The following KCNMA1 variants were observed in gnomAD, a reference collection of about 807,000 sequenced individuals.
KCNMA1 encodes the protein Calcium-activated potassium channel subunit alpha-1.
A neutral mutation model predicts 140.0 loss-of-function variants in KCNMA1; 29 were observed. The ratio of observed to expected loss-of-function variants is 0.21; its 90% CI spans 0.15 to 0.28. KCNMA1 has a LOEUF of 0.28. Ranked by LOEUF, KCNMA1 falls within the 10% of genes least tolerant of loss-of-function variation. The pLI is 1.00. For missense variants in KCNMA1, 880 were observed against 1,602.2 expected (o/e 0.55, Z 7.70); for synonymous variants, 612 against 611.9 (o/e 1.00, Z 0.00).
intron 19 of KCNMA1, among the ~76,000 whole-genome samples, chr10:76,997,191 C>T (rs1225861108): frequency 2.6e-5 from 4 of 152,192 alleles, no homozygotes; most frequent in African/African-American, 7.2e-5. Context: ...GATTTTGGTA[C>T]GTCTCCCTTC....
intron 3 of KCNMA1, among the ~76,000 whole-genome samples, chr10:77,247,610 A>G (rs1195666789): frequency 6.6e-6 from 1 of 152,190 alleles, no homozygotes; most frequent in Non-Finnish European, 1.5e-5. Flanking sequence ...GTGACGTGTG[A>G]CATAAATTGG....
intron 3 of KCNMA1, among the ~76,000 whole-genome samples, chr10:77,207,005 T>C (rs2044362544): frequency 6.6e-6 from 1 of 152,116 alleles, no homozygotes; most frequent in South Asian, 2.1e-4. Context: ...ACACAAGGAG[T>C]TCCTTGACAA....
intron 1 of KCNMA1, among the ~76,000 whole-genome samples, chr10:77,415,008 A>G (rs1397092311): frequency 4.7e-4 from 72 of 152,196 alleles, no homozygotes; most frequent in Non-Finnish European, 8.8e-5. Flanking sequence ...TGAAACAACC[A>G]TCTCACAACC....
intron 17 of KCNMA1, chr10:77,012,541 G>A: frequency 5.8e-6 from 9 of 1,550,118 alleles, no homozygotes; most frequent in Non-Finnish European, 7.8e-6. Flanking sequence ...GCCAAAGGGA[G>A]ACAGAGTTGA....
rs1490936935 is a variant in KCNMA1, at chr10:77,637,703, C to T, written c.-61G>A. 14 of 1,430,520 alleles carry T rather than the reference C, an allele frequency of 9.8e-6. No individual in the cohort carries two copies. Among genetic ancestry groups the T allele is most frequent in the Admixed American group, 9.1e-5 (3 of 32,974 alleles). The allele number at this position is 1,430,520 out of a possible 1,614,324, so 88.6% of individuals were successfully genotyped here. ...GAGCTCCTCCCGCCGCCAGCGCCAC[C>T]CCAAACACCCATCAACAGCCATATT... On this transcript the variant is annotated 5_prime_UTR_variant, in exon 1 of 28. Coordinates refer to ENST00000286628, the MANE Select transcript of KCNMA1 (RefSeq NM_001161352.2).
chr10:77,073,339 A>T, intron 13 of KCNMA1, 87 bp from the exon 14 acceptor site: 1 of 1,351,776 alleles, frequency 7.4e-7, no homozygotes. Flanking sequence ...GCATTGCCCA[A>T]CCACTCAGGG....
chr10:77,313,299 C>T (rs372495221), intron 2 of KCNMA1, among the ~76,000 whole-genome samples: 4 of 152,112 alleles, frequency 2.6e-5, no homozygotes, highest in Admixed American at 6.5e-5. Flanking sequence ...GCAGGATTAG[C>T]GGTCTGCGGA....
At chr10:77,541,709 C>T (rs2060218160) in intron 1 of KCNMA1, among the ~76,000 whole-genome samples, 1 of 152,168 alleles carries the variant, frequency 6.6e-6, no homozygotes, top group African/African-American at 2.4e-5. Flanking sequence ...AAAGAACAAT[C>T]TACTGGTTCT....
At chr10:77,378,487 G>A (rs550174273) in intron 2 of KCNMA1, among the ~76,000 whole-genome samples, 16 of 152,302 alleles carry the variant, frequency 1.1e-4, no homozygotes, top group Non-Finnish European at 2.1e-4. Context: ...CAACACAATG[G>A]ACAGTGGGAT....
intron 24 of KCNMA1, chr10:76,912,543 G>A (rs923455790): frequency 6.6e-6 from 1 of 152,224 alleles, no homozygotes; most frequent in African/African-American, 2.4e-5. Flanking sequence ...GAAGACAAGG[G>A]TGGTGTGAGC....
chr10:77,563,703 T>C (rs2154559359), intron 1 of KCNMA1, among the ~76,000 whole-genome samples: 1 of 152,274 alleles, frequency 6.6e-6, no homozygotes, highest in Middle Eastern at 3.4e-3. Context: ...CCTCCGGAAT[T>C]CTAGCCACAG....
chr10:77,114,288 G>A (rs983377863), intron 6 of KCNMA1, among the ~76,000 whole-genome samples: 3 of 152,260 alleles, frequency 2.0e-5, no homozygotes, highest in Non-Finnish European at 4.4e-5. Context: ...AGGAGCCCTG[G>A]GTCCCTGGAG....
At chr10:77,214,966 T>G (rs2047240164) in intron 3 of KCNMA1, among the ~76,000 whole-genome samples, 1 of 152,212 alleles carries the variant, frequency 6.6e-6, no homozygotes, top group Non-Finnish European at 1.5e-5. Context: ...CTTTGTAATT[T>G]CCAAATGTAA....
intron 1 of KCNMA1, among the ~76,000 whole-genome samples, chr10:77,474,715 G>A (rs575560044): frequency 6.6e-6 from 1 of 152,154 alleles, no homozygotes; most frequent in East Asian, 1.9e-4. Flanking sequence ...CATTGTATAT[G>A]ACTCCCTGAG....
Position 77,144,507 on chromosome 10 carries a change from A to G in KCNMA1, c.809-23459T>C, listed in dbSNP as rs193143134. On this transcript the variant is annotated intron_variant, in intron 5 of 27. Transcript: ENST00000286628. ...TTCTCTATGTTGATATGGATGACAG[A>G]CCATTTTACAGTGGTGCATATCTCT... Among the ~76,000 whole-genome samples the G allele has an allele frequency of 2.6e-5, 4 of 152,296 alleles. No individual in the cohort carries two copies. In the East Asian group the frequency reaches 7.7e-4, roughly 29 times the overall value.
intron 17 of KCNMA1, chr10:77,012,532 C>G: frequency 6.5e-7 from 1 of 1,550,054 alleles, no homozygotes; most frequent in Non-Finnish European, 8.7e-7. Flanking sequence ...TTCTGGGCAG[C>G]CAAAGGGAGA....
chr10:77,282,401 A>G (rs78158168), intron 2 of KCNMA1, among the ~76,000 whole-genome samples: 3,887 of 151,836 alleles, frequency 0.026, 154 homozygotes, highest in African/African-American at 0.089. Context: ...TTCTCCTCCC[A>G]CCAGTCTTCT....
intron 1 of KCNMA1, among the ~76,000 whole-genome samples, chr10:77,632,699 T>C (rs1469610644): frequency 6.6e-6 from 1 of 152,212 alleles, no homozygotes; most frequent in East Asian, 1.9e-4. Flanking sequence ...AAAAACTTTA[T>C]TTGTTATAGT....
chr10:77,382,425 G>A (rs1345351414), intron 2 of KCNMA1, among the ~76,000 whole-genome samples: 1 of 152,176 alleles, frequency 6.6e-6, no homozygotes, highest in East Asian at 1.9e-4. Flanking sequence ...ATGACAGTTT[G>A]TAATTGGAGG....
Sources: gnomAD v4.1 joint callset for allele counts (sites outside exome capture counted in the v4.1 genomes callset) on GRCh38, gnomAD v4.1.1 for gene constraint, MANE v1.5 for transcripts, NCBI Gene and HGNC (gene_info 2026-07-23, HGNC 2026-07-21) for gene names.